Variants in CC2D2A observed in about 807,000 individuals in gnomAD.
The protein encoded by CC2D2A is coiled-coil and C2 domain containing 2A, also known as coiled-coil and C2 domain-containing protein 2A.
A neutral mutation model predicts 212.9 loss-of-function variants in CC2D2A; 155 were observed. The ratio of observed to expected loss-of-function variants is 0.73; its 90% CI spans 0.64 to 0.83. The LOEUF is 0.83. CC2D2A is among the 40% of genes least tolerant of loss of function. The probability of loss-of-function intolerance (pLI) is 0.00; values close to 1 mark genes in which losing one functional copy is unlikely to be tolerated. For missense variants in CC2D2A, 1,856 were observed against 1,956.2 expected (o/e 0.95, Z 0.97); for synonymous variants, 667 against 686.5 (o/e 0.97, Z 0.44).
At chr4:15,506,263 C>T (rs1716250015) in intron 6 of CC2D2A, among the ~76,000 whole-genome samples, 1 of 152,058 alleles carries the variant, frequency 6.6e-6, no homozygotes, top group Admixed American at 6.5e-5. Context: ...TTAAAACTTT[C>T]TAAGATTTTG....
chr4:15,538,036 G>A lies in CC2D2A; in HGVS notation c.1902G>A (p.Val634=), dbSNP rs1293349023. Residue 634 remains valine, a synonymous_variant, in exon 16 of 37, where the codon GTG becomes GTA. Transcript: ENST00000424120. The stretch of plus-strand genomic sequence containing the variant: ...ATCGGGCAGTGATAGAGCAGGAGGT[G>A]AGGGAGAGAGCAGCCCAGAGCAGGA... ...PTDRAVIEQE[V]RERAAQSRRR... 6.2e-7 allele frequency: 1 copy of A among 1,608,248 alleles called. No individual in the cohort carries two copies. Among genetic ancestry groups the A allele is most frequent in the Admixed American group, 1.7e-5 (1 of 59,136 alleles).
chr4:15,479,305 C>T, intron 3 of CC2D2A: 1 of 1,537,122 alleles, frequency 6.5e-7, no homozygotes, highest in Non-Finnish European at 8.7e-7. Flanking sequence ...TGGGAGCATC[C>T]CGTGCAGGGT....
At chr4:15,580,890 A>G (rs1720633109) in intron 30 of CC2D2A, among the ~76,000 whole-genome samples, 1 of 152,208 alleles carries the variant, frequency 6.6e-6, no homozygotes, top group Non-Finnish European at 1.5e-5. Flanking sequence ...GTTCAAATTA[A>G]GCAAAATTTA....
intron 4 of CC2D2A, among the ~76,000 whole-genome samples, chr4:15,494,215 G>A (rs1715480275): frequency 6.6e-6 from 1 of 152,152 alleles, no homozygotes; most frequent in Non-Finnish European, 1.5e-5. Context: ...TCTTGTCCAG[G>A]CTGATGATCC....
At chr4:15,484,522 G>A (rs939565501) in intron 4 of CC2D2A, among the ~76,000 whole-genome samples, 3 of 152,154 alleles carry the variant, frequency 2.0e-5, no homozygotes, top group Admixed American at 6.6e-5. Flanking sequence ...CCAGGTAGAG[G>A]CCAACAGCAA....
chr4:15,563,292 C>T (rs967586247), intron 23 of CC2D2A, 63 bp from the exon 24 acceptor site: 9 of 1,471,968 alleles, frequency 6.1e-6, no homozygotes, highest in Non-Finnish European at 8.2e-6. Flanking sequence ...TTCGGGAAGT[C>T]GTCTCACAAT....
At chr4:15,512,923 GC>G (rs1371838828) in intron 8 of CC2D2A, among the ~76,000 whole-genome samples, 1 of 148,868 alleles carries the variant, frequency 6.7e-6, no homozygotes, top group African/African-American at 2.5e-5. Context: ...TTGCACTCCA[GC>G]CTAGATGACA....
At chr4:15,578,485 T>C (rs1350203987) in intron 29 of CC2D2A, among the ~76,000 whole-genome samples, 2 of 152,242 alleles carry the variant, frequency 1.3e-5, no homozygotes, top group African/African-American at 4.8e-5. Context: ...ATACTTACTA[T>C]GTGCCAAGTA....
chr4:15,579,875 CCATA>C (rs1355101569), intron 29 of CC2D2A, 89 bp from the exon 30 acceptor site: 1 of 978,158 alleles, frequency 1.0e-6, no homozygotes, highest in African/African-American at 1.6e-5. Flanking sequence ...TATTCCCAAA[CCATA>C]CATTTCCTGC....
At position 15,516,732 on chromosome 4, in the gene CC2D2A, A is replaced by G; in HGVS notation, c.1125A>G (p.Ala375=). 1 of 1,612,776 alleles carries G rather than the reference A, an allele frequency of 6.2e-7. No homozygotes were observed. The highest frequency in any genetic ancestry group is 8.5e-7 in the Non-Finnish European group (1 of 1,179,230). ...PVLTQEQSIK[A]ELETLYKKAV... is the part of the protein sequence containing the mutation. The stretch of plus-strand genomic sequence containing the variant: ...TAACACAGGAGCAGAGCATTAAGGC[A>G]GAGCTTGAAACACTGTATAAAAAGG... The change falls in exon 11 of 37, where the codon GCA becomes GCG. Residue 375 remains alanine, a synonymous_variant. Transcript: ENST00000424120.
chr4:15,563,330 C>T (rs369157572), intron 23 of CC2D2A, 25 bp from the exon 24 acceptor site: 9 of 1,574,878 alleles, frequency 5.7e-6, no homozygotes, highest in Non-Finnish European at 6.9e-6. Flanking sequence ...TTCTTAGAGT[C>T]CTGATCCTGT....
chr4:15,583,150 A>G (rs1275356357), intron 30 of CC2D2A, among the ~76,000 whole-genome samples: 1 of 152,214 alleles, frequency 6.6e-6, no homozygotes, highest in Non-Finnish European at 1.5e-5. Context: ...CCCTCATGAT[A>G]AAAACTCAAT....
chr4:15,571,313 G>C (rs1301962123), intron 28 of CC2D2A, among the ~76,000 whole-genome samples: 1 of 152,174 alleles, frequency 6.6e-6, no homozygotes, highest in Non-Finnish European at 1.5e-5. Context: ...CTTCTTCAGA[G>C]TTAATGGTTT....
intron 1 of CC2D2A, chr4:15,473,327 G>A (rs1245245828): frequency 6.6e-6 from 1 of 152,214 alleles, no homozygotes; most frequent in Non-Finnish European, 1.5e-5. Flanking sequence ...AATTCCAGGA[G>A]GGTGTTGGGA....
At chr4:15,514,378 A>T (rs1716739152) in intron 8 of CC2D2A, among the ~76,000 whole-genome samples, 1 of 152,208 alleles carries the variant, frequency 6.6e-6, no homozygotes, top group Non-Finnish European at 1.5e-5. Flanking sequence ...TTATGAGCCC[A>T]ATTCTTTACA....
chr4:15,589,819 GT>G, intron 33 of CC2D2A, 140 bp downstream of exon 33: 1 of 183,120 alleles, frequency 5.5e-6, no homozygotes, highest in Non-Finnish European at 6.9e-6. Context: ...ATATATACCA[GT>G]TAAAAGAAAT....
At chr4:15,565,255 AT>A (rs1271813745) in intron 24 of CC2D2A, among the ~76,000 whole-genome samples, 4 of 152,164 alleles carry the variant, frequency 2.6e-5, no homozygotes, top group African/African-American at 9.7e-5. Context: ...GTGTTAAATC[AT>A]TTTATTCAAC....
At chr4:15,582,994 G>C (rs765258969) in intron 30 of CC2D2A, among the ~76,000 whole-genome samples, 2 of 152,032 alleles carry the variant, frequency 1.3e-5, no homozygotes, top group Non-Finnish European at 2.9e-5. Context: ...ATGCAACATG[G>C]TCAAGTGGGA....
At chr4:15,510,004 C>CT (rs1716473699) in intron 6 of CC2D2A, 135 bp from the exon 7 acceptor site, 7 of 680,658 alleles carry the variant, frequency 1.0e-5, no homozygotes, top group Non-Finnish European at 1.8e-5. Context: ...GCCAGCATTC[C>CT]ATGCCTTAGG....
Sources: allele counts gnomAD v4.1 joint callset (sites outside exome capture counted in the v4.1 genomes callset), GRCh38; gene constraint gnomAD v4.1.1; transcripts MANE v1.5; gene names NCBI Gene and HGNC (gene_info 2026-07-23, HGNC 2026-07-21).